The following ANK3 variants were observed in gnomAD, a reference collection of about 807,000 sequenced individuals.
The protein encoded by ANK3 is ankyrin-3.
In ANK3, 57 loss-of-function variants were observed where a neutral mutation model predicts 370.9. The ratio of observed to expected loss-of-function variants is 0.15; its 90% CI spans 0.12 to 0.19. ANK3 has a LOEUF of 0.19. Among genes scored for constraint, ANK3 ranks in the 10% least tolerant of loss-of-function variants. ANK3 has a pLI of 1.00. For missense variants in ANK3, 4,439 were observed against 5,302.1 expected (o/e 0.84, Z 5.06); for synonymous variants, 1,929 against 1,946.3 (o/e 0.99, Z 0.23).
At chr10:60,099,188 C>T (rs1315517721) in intron 28 of ANK3, among the ~76,000 whole-genome samples, 1 of 152,172 alleles carries the variant, frequency 6.6e-6, no homozygotes, top group Non-Finnish European at 1.5e-5. Context: ...AGCCTCCCTT[C>T]TTCCAGAAAG....
chr10:60,331,519 A>C (rs1292680029), intron 1 of ANK3, among the ~76,000 whole-genome samples: 1 of 151,854 alleles, frequency 6.6e-6, no homozygotes, highest in Non-Finnish European at 1.5e-5. Flanking sequence ...TTTAAAAGTT[A>C]AGATCTCAAT....
chr10:60,409,558 C>G (rs534829537), intron 2 of ANK3, among the ~76,000 whole-genome samples: 11 of 152,212 alleles, frequency 7.2e-5, no homozygotes, highest in African/African-American at 2.6e-4. Flanking sequence ...CAGAAGAGTT[C>G]CTTTTGCAAA....
chr10:60,677,357 A>G (rs979298919), intron 1 of ANK3, among the ~76,000 whole-genome samples: 3 of 152,252 alleles, frequency 2.0e-5, no homozygotes, highest in Admixed American at 1.3e-4. Context: ...TAGTAAGAAC[A>G]TATTACATTT....
chr10:60,282,854 A>G (rs1308139345), intron 1 of ANK3, among the ~76,000 whole-genome samples: 2 of 152,216 alleles, frequency 1.3e-5, no homozygotes, highest in African/African-American at 4.8e-5. Flanking sequence ...ATGTAGAGAA[A>G]AAGCAAGAAG....
chr10:60,053,795 C>A, intron 42 of ANK3: 1 of 1,241,060 alleles, frequency 8.1e-7, no homozygotes, highest in South Asian at 1.3e-5. Flanking sequence ...TAGTTGGTTG[C>A]TATTATACTA....
chr10:60,494,347 A>G (rs2075599955), intron 2 of ANK3, among the ~76,000 whole-genome samples: 1 of 152,214 alleles, frequency 6.6e-6, no homozygotes, highest in East Asian at 1.9e-4. Flanking sequence ...ATGGAAAGAC[A>G]AGCTTAAGAG....
At chr10:60,247,637 G>C (rs1460996513) in intron 7 of ANK3, among the ~76,000 whole-genome samples, 1 of 152,024 alleles carries the variant, frequency 6.6e-6, no homozygotes, top group East Asian at 1.9e-4. Context: ...TTTGTGACTG[G>C]CTTATTTCAC....
At chr10:60,139,125 C>A in intron 23 of ANK3, 38 bp from the exon 24 acceptor site, 3 of 1,600,372 alleles carry the variant, frequency 1.9e-6, no homozygotes, top group Non-Finnish European at 2.6e-6. Flanking sequence ...CAAAAGCTTC[C>A]CTTTTGAAAG....
At chr10:60,138,873 T>C in intron 24 of ANK3, 91 bp downstream of exon 24, 9 of 1,519,108 alleles carry the variant, frequency 5.9e-6, no homozygotes, top group East Asian at 2.3e-5. Context: ...AGAACACATT[T>C]TGGGATAATG....
At chr10:60,044,072 AC>A (rs1013039395) in intron 42 of ANK3, 31 of 985,694 alleles carry the variant, frequency 3.1e-5, no homozygotes, top group Non-Finnish European at 3.5e-5. Flanking sequence ...CCTCTCCATT[AC>A]CACATCATCA....
At chr10:60,605,605 A>C (rs992086475) in intron 2 of ANK3, among the ~76,000 whole-genome samples, 2 of 152,198 alleles carry the variant, frequency 1.3e-5, no homozygotes, top group African/African-American at 4.8e-5. Flanking sequence ...ACCAAGGAAC[A>C]AAGCTTGCTT....
chr10:60,707,668 A>T (rs1330991793), intron 1 of ANK3, among the ~76,000 whole-genome samples: 2 of 151,612 alleles, frequency 1.3e-5, no homozygotes, highest in Admixed American at 6.6e-5. Context: ...GCCAATTTTT[A>T]AAAAATTCAA....
At chr10:60,066,400 C>T (rs368706916) in intron 38 of ANK3, among the ~76,000 whole-genome samples, 6 of 152,074 alleles carry the variant, frequency 3.9e-5, no homozygotes, top group African/African-American at 1.4e-4. Context: ...TTACAATGTC[C>T]AATGTTAAAA....
intron 1 of ANK3, among the ~76,000 whole-genome samples, chr10:60,655,838 T>C (rs1404635094): frequency 6.6e-6 from 1 of 152,190 alleles, no homozygotes; most frequent in Admixed American, 6.5e-5. Context: ...GTTTACCTTT[T>C]AGACACATAT....
intron 30 of ANK3, 145 bp downstream of exon 30, chr10:60,086,532 T>C (rs1240879386): frequency 4.5e-6 from 3 of 665,386 alleles, no homozygotes; most frequent in Non-Finnish European, 2.4e-6. Context: ...GATGAGGTGA[T>C]GGACAAGTAA....
intron 2 of ANK3, among the ~76,000 whole-genome samples, chr10:60,452,235 T>G (rs1046407618): frequency 6.6e-6 from 1 of 152,230 alleles, no homozygotes; most frequent in Non-Finnish European, 1.5e-5. Flanking sequence ...GGTACAAATT[T>G]CAAGGAACTG....
At chr10:60,304,780 T>A (rs1431629160) in intron 1 of ANK3, among the ~76,000 whole-genome samples, 1 of 152,114 alleles carries the variant, frequency 6.6e-6, no homozygotes, top group African/African-American at 2.4e-5. Flanking sequence ...AAATCTAGAG[T>A]TCCAGTTACA....
At chr10:60,609,093 G>A (rs1318961586) in intron 2 of ANK3, among the ~76,000 whole-genome samples, 1 of 152,132 alleles carries the variant, frequency 6.6e-6, no homozygotes, top group African/African-American at 2.4e-5. Flanking sequence ...TAGTAGTGGT[G>A]GTGATCATTG....
intron 16 of ANK3, among the ~76,000 whole-genome samples, chr10:60,189,519 A>G (rs1188643411): frequency 6.6e-6 from 1 of 152,260 alleles, no homozygotes; most frequent in African/African-American, 2.4e-5. Context: ...TGACTCAGGT[A>G]TTATTTTAGT....
Sources: allele counts gnomAD v4.1 joint callset (sites outside exome capture counted in the v4.1 genomes callset), GRCh38; gene constraint gnomAD v4.1.1; transcripts MANE v1.5; gene names NCBI Gene and HGNC (gene_info 2026-07-23, HGNC 2026-07-21).